Variants in CSMD1 observed in about 807,000 individuals in gnomAD.
CSMD1 encodes CUB and sushi domain-containing protein 1.
A neutral mutation model predicts 417.5 loss-of-function variants in CSMD1; 213 were observed. That is an observed-to-expected ratio of 0.51 (90% CI 0.46 to 0.57). The LOEUF is 0.57. Ranked by LOEUF, CSMD1 falls within the 20% of genes least tolerant of loss-of-function variation. The pLI is 0.00. For synonymous variants in CSMD1, 2,862 were observed against 1,736.8 expected (o/e 1.65, Z -16.11); for missense variants, 6,923 against 4,529.7 (o/e 1.53, Z -15.17).
chr8:4,440,680 C>T lies in CSMD1; in HGVS notation c.303-20615G>A, dbSNP rs574597155. ...TTTGTGCTGCTTGAGAATTTTATCA[C>T]ATCAATGTATTATTTTACAAATTAA... is the stretch of plus-strand genomic sequence containing the variant. On this transcript the variant is annotated intron_variant, in intron 2 of 69. Coordinates refer to ENST00000635120, the MANE Select transcript of CSMD1 (RefSeq NM_033225.6). Among the ~76,000 whole-genome samples the T allele has an allele frequency of 2.6e-5, 4 of 152,252 alleles. No homozygotes were observed. The East Asian group carries it at 7.7e-4, about 29-fold the overall frequency.
At chr8:3,349,211 G>C (rs1289357421) in intron 21 of CSMD1, among the ~76,000 whole-genome samples, 1 of 152,110 alleles carries the variant, frequency 6.6e-6, no homozygotes, top group Non-Finnish European at 1.5e-5. Flanking sequence ...TTTTCCACTG[G>C]GTTGCTCAAG....
At position 4,745,596 on chromosome 8, in the gene CSMD1, A is replaced by AAG. The variant is rs956427357; in HGVS notation, c.86-108040_86-108039dup. 1.6e-3 allele frequency among the ~76,000 whole-genome samples: 244 copies of AAG among 152,132 alleles called. 1 individual carries two copies. The highest frequency in any genetic ancestry group is 5.6e-3 in the African/African-American group (232 of 41,542). On this transcript the variant is annotated intron_variant, in intron 1 of 69. Transcript: ENST00000635120. ...AGACATTTCTTAGATGCTAGAAATA[A>AAG]AGAGAGAGAGAGGGAGAAGTAGAAT...
chr8:4,229,521 T>C (rs972695359), intron 3 of CSMD1, among the ~76,000 whole-genome samples: 1 of 152,184 alleles, frequency 6.6e-6, no homozygotes, highest in African/African-American at 2.4e-5. Flanking sequence ...CTACTGTAGC[T>C]TTTTTCCTCT....
intron 2 of CSMD1, among the ~76,000 whole-genome samples, chr8:4,446,930 T>C (rs1798843864): frequency 1.4e-5 from 2 of 140,376 alleles, no homozygotes; most frequent in Non-Finnish European, 1.5e-5. Flanking sequence ...AGAGACCGTG[T>C]TTATTTAAAA....
intron 7 of CSMD1, among the ~76,000 whole-genome samples, chr8:3,703,958 C>T (rs1585103106): frequency 3.3e-5 from 5 of 152,174 alleles, no homozygotes; most frequent in Admixed American, 3.3e-4. Context: ...GTACTCCCTG[C>T]TATTTGGGAG....
intron 3 of CSMD1, among the ~76,000 whole-genome samples, chr8:4,211,615 A>G (rs969628785): frequency 3.9e-5 from 6 of 152,200 alleles, no homozygotes; most frequent in South Asian, 2.1e-4. Context: ...AAGTTGCTCC[A>G]TAAGAACAGT....
intron 1 of CSMD1, among the ~76,000 whole-genome samples, chr8:4,938,405 C>T (rs1807764887): frequency 6.6e-6 from 1 of 152,124 alleles, no homozygotes; most frequent in Non-Finnish European, 1.5e-5. Flanking sequence ...GACTCCATGC[C>T]CACTTCTCAT....
chr8:4,699,537 C>T (rs1487674808), intron 1 of CSMD1, among the ~76,000 whole-genome samples: 2 of 152,280 alleles, frequency 1.3e-5, no homozygotes, highest in Non-Finnish European at 1.5e-5. Flanking sequence ...TCTTTTCTGT[C>T]TTATTAACTC....
At chr8:4,107,362 G>T (rs971279945) in intron 3 of CSMD1, among the ~76,000 whole-genome samples, 1 of 152,178 alleles carries the variant, frequency 6.6e-6, no homozygotes, top group Non-Finnish European at 1.5e-5. Context: ...AAAGCCACCT[G>T]TAGAGGATAA....
intron 5 of CSMD1, among the ~76,000 whole-genome samples, chr8:3,967,418 G>A (rs80044195): frequency 0.027 from 4,071 of 151,142 alleles, 75 homozygotes; most frequent in South Asian, 0.045. Flanking sequence ...TGTATCACCT[G>A]ATGCTTTCAA....
chr8:4,642,151 G>A (rs1013971622), intron 1 of CSMD1, among the ~76,000 whole-genome samples: 1 of 152,284 alleles, frequency 6.6e-6, no homozygotes, highest in Non-Finnish European at 1.5e-5. Flanking sequence ...GCAAGTGCTC[G>A]GCAAGGAGCC....
At chr8:4,863,237 G>A (rs182890806) in intron 1 of CSMD1, among the ~76,000 whole-genome samples, 82 of 152,190 alleles carry the variant, frequency 5.4e-4, no homozygotes, top group African/African-American at 1.9e-3. Context: ...AAATAATCAT[G>A]TGTTTTGAGA....
chr8:3,747,650 C>G (rs996400335), intron 6 of CSMD1, among the ~76,000 whole-genome samples: 1 of 152,090 alleles, frequency 6.6e-6, no homozygotes, highest in African/African-American at 2.4e-5. Flanking sequence ...TGCATCTCCT[C>G]TGGACGTTCT....
intron 1 of CSMD1, among the ~76,000 whole-genome samples, chr8:4,819,925 A>G (rs1333418434): frequency 1.3e-5 from 2 of 152,216 alleles, no homozygotes; most frequent in Non-Finnish European, 2.9e-5. Context: ...TTATGTTATC[A>G]TAAGTAATTT....
chr8:4,227,270 C>A (rs1051465406), intron 3 of CSMD1, among the ~76,000 whole-genome samples: 1 of 152,090 alleles, frequency 6.6e-6, no homozygotes, highest in Non-Finnish European at 1.5e-5. Context: ...AGCAAGATGG[C>A]GACCACATAT....
intron 8 of CSMD1, among the ~76,000 whole-genome samples, chr8:3,606,691 G>T (rs1018831128): frequency 3.4e-5 from 5 of 146,616 alleles, no homozygotes; most frequent in Admixed American, 1.4e-4. Context: ...TTAACTTACT[G>T]TAACAATTTT....
At chr8:4,408,785 G>A (rs1029583818) in intron 3 of CSMD1, among the ~76,000 whole-genome samples, 16 of 152,192 alleles carry the variant, frequency 1.1e-4, no homozygotes, top group African/African-American at 2.9e-4. Flanking sequence ...CATTTTTCTG[G>A]CTCCATTTAA....
chr8:3,461,505 T>C (rs569621937), intron 12 of CSMD1, among the ~76,000 whole-genome samples: 2 of 152,268 alleles, frequency 1.3e-5, no homozygotes, highest in African/African-American at 4.8e-5. Flanking sequence ...CAGGAGCTGA[T>C]TGAGATCTCT....
chr8:4,854,640 G>T (rs1425128008), intron 1 of CSMD1, among the ~76,000 whole-genome samples: 1 of 152,176 alleles, frequency 6.6e-6, no homozygotes, highest in Non-Finnish European at 1.5e-5. Context: ...CTGAGTCAAA[G>T]AAAGGGGTGA....
Sources: allele counts gnomAD v4.1 joint callset (sites outside exome capture counted in the v4.1 genomes callset), GRCh38; gene constraint gnomAD v4.1.1; transcripts MANE v1.5; gene names NCBI Gene and HGNC (gene_info 2026-07-23, HGNC 2026-07-21).